SAMD5: variants seen among roughly 807,000 people sequenced by gnomAD.
The protein encoded by SAMD5 is sterile alpha motif domain-containing protein 5.
A neutral mutation model predicts 11.3 loss-of-function variants in SAMD5; 13 were observed. That is an observed-to-expected ratio of 1.15 (90% CI 0.75 to 1.83). SAMD5 has a LOEUF of 1.83. Among genes scored for constraint, SAMD5 ranks in the 40% most tolerant of loss-of-function variants. The pLI is 0.00. For missense variants in SAMD5, 255 were observed against 239.1 expected, an observed-to-expected ratio of 1.07 and a Z score of -0.44; for synonymous variants, 129 against 111.3, an observed-to-expected ratio of 1.16 and a Z score of -1.00.
chr6:147,580,148 A>T lies in SAMD5; in HGVS notation c.162+70761A>T, dbSNP rs902039713. 2.6e-5 allele frequency among the ~76,000 whole-genome samples: 4 copies of T among 152,270 alleles called. No individual in the cohort carries two copies. In the East Asian group the frequency reaches 7.7e-4, roughly 29 times the overall value. ...TTAGCAGATTGTTAGTGCACTCAAAATCAAGGCCAACTCTTCTGAGTGTCT... is the reference window on the plus strand; with the variant it reads ...TTAGCAGATTGTTAGTGCACTCAAATTCAAGGCCAACTCTTCTGAGTGTCT... On this transcript the variant is annotated intron_variant, in intron 1 of 1. Transcript: ENST00000566741.
chr6:147,927,237 C>T, the SAMD5 span, among the ~76,000 whole-genome samples: 13 of 152,002 alleles, frequency 8.6e-5, no homozygotes, highest in Non-Finnish European at 1.3e-4. Flanking sequence ...GCATTGAATC[C>T]GTAAATTGCT....
intron 1 of SAMD5, among the ~76,000 whole-genome samples, chr6:147,675,687 T>C (rs1790852915): frequency 6.6e-6 from 1 of 152,216 alleles, no homozygotes; most frequent in South Asian, 2.1e-4. Context: ...TGATACAGTA[T>C]TGTGGCCATT....
At chr6:147,659,800 T>C (rs1790621792) in intron 1 of SAMD5, among the ~76,000 whole-genome samples, 1 of 152,144 alleles carries the variant, frequency 6.6e-6, no homozygotes, top group African/African-American at 2.4e-5. Context: ...CCCCTCCCCA[T>C]CACCGGTGAT....
At chr6:147,644,175 T>C (rs1440111416) in intron 1 of SAMD5, among the ~76,000 whole-genome samples, 1 of 152,090 alleles carries the variant, frequency 6.6e-6, no homozygotes, top group Non-Finnish European at 1.5e-5. Context: ...TGTCTGCTCC[T>C]GAAATGCTGC....
chr6:147,814,562 G>T, the SAMD5 span, among the ~76,000 whole-genome samples: 1 of 152,076 alleles, frequency 6.6e-6, no homozygotes, highest in African/African-American at 2.4e-5. Context: ...ACTGGGGGAG[G>T]AGAGCTTTCT....
At chr6:147,637,718 C>G (rs1790251137) in intron 1 of SAMD5, among the ~76,000 whole-genome samples, 2 of 152,182 alleles carry the variant, frequency 1.3e-5, no homozygotes, top group Admixed American at 1.3e-4. Context: ...AAATGGTATT[C>G]ACCATGATGG....
At chr6:147,707,768 A>G (rs1791343517) in intron 1 of SAMD5, among the ~76,000 whole-genome samples, 1 of 152,138 alleles carries the variant, frequency 6.6e-6, no homozygotes, top group Admixed American at 6.6e-5. Flanking sequence ...ACTGAAGAAA[A>G]GCATTCAGTG....
At chr6:147,740,088 G>T (rs1309857186), downstream of SAMD5, among the ~76,000 whole-genome samples, 2 of 152,198 alleles carry the variant, frequency 1.3e-5, no homozygotes, top group Non-Finnish European at 2.9e-5. Context: ...AAAGTGCTGG[G>T]ATTGCAGGCA....
At chr6:147,652,863 C>T (rs901618680) in intron 1 of SAMD5, among the ~76,000 whole-genome samples, 2 of 152,200 alleles carry the variant, frequency 1.3e-5, no homozygotes, top group Non-Finnish European at 1.5e-5. Context: ...GTGCCAGCAA[C>T]TGTCTTAGAT....
chr6:147,764,944 G>A, the SAMD5 span, among the ~76,000 whole-genome samples: 2 of 152,058 alleles, frequency 1.3e-5, no homozygotes, highest in Admixed American at 1.3e-4. Flanking sequence ...CTGGCACTAA[G>A]TTTTCACAGA....
chr6:147,905,334 A>G, the SAMD5 span, among the ~76,000 whole-genome samples: 1 of 152,026 alleles, frequency 6.6e-6, no homozygotes, highest in Non-Finnish European at 1.5e-5. Flanking sequence ...GGCGTGTGCC[A>G]CCATGCCCGG....
chr6:147,571,507 G>A (rs1023499594), downstream of SAMD5, among the ~76,000 whole-genome samples: 2 of 150,032 alleles, frequency 1.3e-5, no homozygotes, highest in South Asian at 4.2e-4. Flanking sequence ...ACCTCCTAGA[G>A]TTACCCTGAG....
chr6:147,771,468 A>G, the SAMD5 span, among the ~76,000 whole-genome samples: 1 of 152,218 alleles, frequency 6.6e-6, no homozygotes, highest in Admixed American at 6.5e-5. Flanking sequence ...CTCATAAAGC[A>G]TGTCACATTC....
chr6:147,839,750 C>T, the SAMD5 span, among the ~76,000 whole-genome samples: 1 of 152,134 alleles, frequency 6.6e-6, no homozygotes, highest in East Asian at 1.9e-4. Context: ...AACTCCATCT[C>T]AAAGAAAAAC....
chr6:147,650,834 T>C (rs1037750458), intron 1 of SAMD5, among the ~76,000 whole-genome samples: 4 of 152,154 alleles, frequency 2.6e-5, no homozygotes, highest in African/African-American at 9.7e-5. Context: ...CAGGCGGAGA[T>C]ACCTACCTGT....
chr6:147,603,287 A>G (rs954341841), intron 1 of SAMD5, among the ~76,000 whole-genome samples: 1 of 152,214 alleles, frequency 6.6e-6, no homozygotes, highest in Non-Finnish European at 1.5e-5. Context: ...ATTACCCAGT[A>G]TAATATTTTC....
chr6:147,612,168 C>T (rs558848825), intron 1 of SAMD5, among the ~76,000 whole-genome samples: 1 of 152,248 alleles, frequency 6.6e-6, no homozygotes, highest in Non-Finnish European at 1.5e-5. Context: ...TAACCCTTAA[C>T]TCTAACCCAT....
chr6:147,557,224 A>G (rs769160344), intron 1 of SAMD5, among the ~76,000 whole-genome samples: 7 of 152,260 alleles, frequency 4.6e-5, no homozygotes, highest in Non-Finnish European at 1.0e-4. Flanking sequence ...TCTGAATAAA[A>G]ATAAAATACT....
At position 147,569,783 on chromosome 6, in the gene SAMD5, T is replaced by C; in HGVS notation, c.*5327T>C. 1 of 985,474 alleles carries C rather than the reference T, an allele frequency of 1.0e-6. No individual in the cohort carries two copies. The highest frequency in any genetic ancestry group is 1.2e-6 in the Non-Finnish European group (1 of 829,922). The allele number at this position is 985,474 out of a possible 1,614,324, so 61.0% of individuals were successfully genotyped here. On this transcript the variant is annotated 3_prime_UTR_variant, in exon 2 of 2. Coordinates refer to ENST00000367474, the MANE Select transcript of SAMD5 (RefSeq NM_001030060.3). ...GCCTTGGAAAATCTACATGTGTATA[T>C]CTGAGTAGCGAAGCACAGATTCACT...
Sources: allele counts gnomAD v4.1 joint callset (sites outside exome capture counted in the v4.1 genomes callset), GRCh38; gene constraint gnomAD v4.1.1; transcripts MANE v1.5; gene names NCBI Gene and HGNC (gene_info 2026-07-23, HGNC 2026-07-21).